MMP28: variants seen among roughly 807,000 people sequenced by gnomAD.
The protein encoded by MMP28 is matrix metallopeptidase 28.
In MMP28, 55 loss-of-function variants were observed where a neutral mutation model predicts 60.5. The ratio of observed to expected loss-of-function variants is 0.91; its 90% confidence interval spans 0.73 to 1.14. The LOEUF is 1.14. MMP28 is among the 50% of genes most tolerant of loss of function. The probability of loss-of-function intolerance (pLI) is 0.00; values close to 1 mark genes in which losing one functional copy is unlikely to be tolerated. For missense variants in MMP28, 686 were observed against 738.3 expected (o/e 0.93, Z 0.82); for synonymous variants, 318 against 312.5 (o/e 1.02, Z -0.18).
chr17:35,795,586 C>T lies in MMP28; in HGVS notation c.-209G>A. On this transcript the variant is annotated 5_prime_UTR_variant, in exon 1 of 8. Coordinates refer to ENST00000605424, the MANE Select transcript of MMP28 (RefSeq NM_024302.5). ...CGCCGGGAGCCGGCCAGACGTCGTC[C>T]AGCCCGGGCAGTGCCTGCCCGCGGG... The T allele has an allele frequency of 2.6e-6, 1 of 384,924 alleles. No homozygotes were observed. Among genetic ancestry groups the T allele is most frequent in the Non-Finnish European group, 4.6e-6 (1 of 217,920 alleles). The allele number at this position is 384,924 out of a possible 1,614,324, so 23.8% of individuals were successfully genotyped here. A position where few individuals can be genotyped will look rare whatever the true frequency, so the allele number is the denominator to read the frequency against.
At chr17:35,789,772 T>TC (rs2086754967) in intron 1 of MMP28, among the ~76,000 whole-genome samples, 2 of 152,038 alleles carry the variant, frequency 1.3e-5, no homozygotes, top group African/African-American at 4.8e-5. Flanking sequence ...TTAATTTTTT[T>TC]TTTTTTTTTT....
downstream of MMP28, chr17:35,764,503 G>C: frequency 1.3e-6 from 2 of 1,589,420 alleles, no homozygotes; most frequent in Non-Finnish European, 1.7e-6. Context: ...TGTGCTTGCT[G>C]CGAGCTCCTC....
At chr17:35,779,115 A>C in intron 2 of MMP28, 40 bp from the exon 3 acceptor site, 1 of 1,600,384 alleles carries the variant, frequency 6.2e-7, no homozygotes, top group Non-Finnish European at 8.5e-7. Flanking sequence ...GGTGAGTGGT[A>C]AGGGTGAGGG....
At chr17:35,762,078 A>AC (rs1555601636), downstream of MMP28, among the ~76,000 whole-genome samples, 1 of 151,416 alleles carries the variant, frequency 6.6e-6, no homozygotes, top group East Asian at 1.9e-4. Flanking sequence ...ACAACCTCCG[A>AC]CCCCTGGGTT....
intron 3 of MMP28, among the ~76,000 whole-genome samples, chr17:35,777,619 T>C (rs2086372014): frequency 6.6e-6 from 1 of 152,218 alleles, no homozygotes; most frequent in Non-Finnish European, 1.5e-5. Flanking sequence ...AAAGTGGCAA[T>C]GGCCCAAAGT....
downstream of MMP28, chr17:35,764,622 C>T (rs1253942299): frequency 6.4e-7 from 1 of 1,573,954 alleles, no homozygotes; most frequent in South Asian, 1.2e-5. Context: ...CTCCTGAGCG[C>T]CCCCGCTCCC....
chr17:35,778,405 C>T (rs2086396763), intron 3 of MMP28: 1 of 170,600 alleles, frequency 5.9e-6, no homozygotes, highest in African/African-American at 2.4e-5. Context: ...CCGCAAATAT[C>T]CTAAAAACCA....
rs532783200 is a variant in MMP28, at chr17:35,766,643, C to T, written c.1420G>A (p.Asp474Asn). The T allele has an allele frequency of 1.9e-5, 31 of 1,612,208 alleles. No individual in the cohort carries two copies. In the Admixed American group the frequency reaches 3.8e-4, roughly 20 times the overall value. ...EEVSGALPRP[D>N]GSIIFFRDDR... ...TCTCGGAAGAAGATGATGGAGCCATCGGGCCTCGGCAGGGCGCCGCTGACC... is the reference window on the plus strand; with the variant it reads ...TCTCGGAAGAAGATGATGGAGCCATTGGGCCTCGGCAGGGCGCCGCTGACC... The change falls in exon 8 of 8, where the codon GAT becomes AAT. Residue 474 changes from aspartate to asparagine, a missense_variant. Physicochemically the swap from Asp to Asn is conservative, Grantham distance 23. Transcript: ENST00000605424. This position sits in a 1 kb window ranked among gnomAD's most constrained non-coding sequence, Gnocchi z 4.3.
downstream of MMP28, among the ~76,000 whole-genome samples, chr17:35,763,199 C>A (rs2085859077): frequency 6.6e-6 from 1 of 151,964 alleles, no homozygotes; most frequent in Admixed American, 6.6e-5. Context: ...TTAGGGAGAC[C>A]TAGGCAGGAG....
intron 2 of MMP28, among the ~76,000 whole-genome samples, chr17:35,758,983 C>T (rs1225859365): frequency 6.6e-6 from 1 of 152,150 alleles, no homozygotes; most frequent in Non-Finnish European, 1.5e-5. Flanking sequence ...CTGCCAGGGG[C>T]ATTAAATCTT....
chr17:35,770,454 T>TA, intron 4 of MMP28, 142 bp from the exon 5 acceptor site: 1 of 1,107,664 alleles, frequency 9.0e-7, no homozygotes, highest in Non-Finnish European at 1.2e-6. Context: ...GAACCTGAAG[T>TA]GTGCAGAGGT....
chr17:35,772,710 G>A (rs756008649), intron 4 of MMP28, among the ~76,000 whole-genome samples: 5 of 152,222 alleles, frequency 3.3e-5, no homozygotes, highest in Non-Finnish European at 5.9e-5. Flanking sequence ...TATCTGTGGC[G>A]TAGGTATATG....
At chr17:35,765,096 C>G (rs1186226293), downstream of MMP28, 1 of 152,498 alleles carries the variant, frequency 6.6e-6, no homozygotes, top group East Asian at 1.9e-4. Context: ...TGAGGTGGCG[C>G]AGGTGGCTCC....
intron 5 of MMP28, among the ~76,000 whole-genome samples, chr17:35,768,731 A>T (rs1433897907): frequency 1.3e-5 from 2 of 152,168 alleles, no homozygotes; most frequent in Non-Finnish European, 1.5e-5. Flanking sequence ...AACCGCTTGA[A>T]TCCGAGAGGT....
chr17:35,775,964 C>A (rs112239674), intron 3 of MMP28, among the ~76,000 whole-genome samples: 94 of 151,964 alleles, frequency 6.2e-4, no homozygotes, highest in African/African-American at 2.1e-3. Context: ...AGCTCTGCCT[C>A]CCCGGGTTCA....
intron 3 of MMP28, among the ~76,000 whole-genome samples, chr17:35,774,517 G>A (rs1435886018): frequency 1.3e-5 from 2 of 152,240 alleles, no homozygotes; most frequent in East Asian, 3.8e-4. Flanking sequence ...CAGGACGCCA[G>A]GCTTATAAAT....
At chr17:35,768,091 G>A (rs2086001343) in intron 6 of MMP28, 139 bp downstream of exon 6, 4 of 1,293,648 alleles carry the variant, frequency 3.1e-6, no homozygotes, top group Admixed American at 5.3e-5. Flanking sequence ...GCTGGGTGTG[G>A]GGTTGCTACC....
intron 1 of MMP28, among the ~76,000 whole-genome samples, chr17:35,792,327 A>G (rs1028016479): frequency 5.9e-5 from 9 of 152,178 alleles, no homozygotes; most frequent in Admixed American, 6.5e-5. Flanking sequence ...ACTCATCCCC[A>G]GGACCCAGAC....
At chr17:35,792,760 G>T (rs1387755469) in intron 1 of MMP28, among the ~76,000 whole-genome samples, 5 of 152,186 alleles carry the variant, frequency 3.3e-5, no homozygotes, top group African/African-American at 1.2e-4. Context: ...GTTCTCTAAA[G>T]TAATGATAAA....
Sources: gnomAD v4.1 joint callset for allele counts (sites outside exome capture counted in the v4.1 genomes callset) on GRCh38, gnomAD v4.1.1 for gene constraint, Gnocchi (gnomAD v3.1) non-coding constraint, MANE v1.5 for transcripts, NCBI Gene and HGNC (gene_info 2026-07-23, HGNC 2026-07-21) for gene names.